Variants in RCOR1 observed in about 807,000 individuals in gnomAD.
RCOR1 encodes REST corepressor.
Under a neutral mutation model 64.0 loss-of-function variants are expected in RCOR1, and 12 were observed. The observed-to-expected ratio is 0.19, with a 90% CI of 0.12 to 0.30. The LOEUF is 0.30. Among genes scored for constraint, RCOR1 ranks in the 10% least tolerant of loss-of-function variants. The pLI, the probability that RCOR1 is intolerant of heterozygous loss-of-function variation, is 1.00. For synonymous variants in RCOR1, 279 were observed against 227.2 expected (o/e 1.23, Z -2.05); for missense variants, 502 against 621.2 (o/e 0.81, Z 2.04).
At chr14:102,701,937 G>A (rs551724027) in intron 4 of RCOR1, among the ~76,000 whole-genome samples, 3 of 152,284 alleles carry the variant, frequency 2.0e-5, no homozygotes, top group African/African-American at 7.2e-5. Context: ...AAAGTGTTGG[G>A]ATTACAGGCG....
chr14:102,705,228 C>T (rs531638537), intron 4 of RCOR1, among the ~76,000 whole-genome samples: 3 of 152,058 alleles, frequency 2.0e-5, no homozygotes, highest in Non-Finnish European at 4.4e-5. Context: ...TGTGGGTTTT[C>T]GAATCTCTCC....
At chr14:102,632,285 C>T (rs1410696310) in intron 2 of RCOR1, among the ~76,000 whole-genome samples, 4 of 149,408 alleles carry the variant, frequency 2.7e-5, no homozygotes, top group South Asian at 4.2e-4. Context: ...GGCATGATCT[C>T]GGCTCACTGC....
chr14:102,693,752 T>C (rs1028938777), intron 3 of RCOR1, among the ~76,000 whole-genome samples: 2 of 152,190 alleles, frequency 1.3e-5, no homozygotes, highest in South Asian at 2.1e-4. Context: ...TCCTCGAGGG[T>C]CCCCTTCTTT....
chr14:102,721,133 G>A (rs1896161427), intron 9 of RCOR1, 49 bp downstream of exon 9: 14 of 1,237,978 alleles, frequency 1.1e-5, no homozygotes, highest in Non-Finnish European at 1.6e-5. Context: ...AGTTTTACAT[G>A]TTTAAGAATT....
At chr14:102,641,086 T>C (rs1443937911) in intron 2 of RCOR1, among the ~76,000 whole-genome samples, 1 of 151,934 alleles carries the variant, frequency 6.6e-6, no homozygotes, top group Non-Finnish European at 1.5e-5. Context: ...ACCCCATCTC[T>C]ACTAAAAATA....
At chr14:102,697,618 C>T (rs958129958) in intron 3 of RCOR1, among the ~76,000 whole-genome samples, 7 of 151,944 alleles carry the variant, frequency 4.6e-5, no homozygotes, top group African/African-American at 9.7e-5. Context: ...CACAACCTTC[C>T]GAGCACCTAG....
In RCOR1 at chr14:102,657,162, C is replaced by T. The variant is rs927605320; in HGVS notation, c.362-24733C>T. On this transcript the variant is annotated intron_variant, in intron 2 of 11. Transcript: ENST00000262241. ...AAACCCAAAACACATAGGGTAGAAA[C>T]TCGTGAAAAATATTTTTGAGGATAT... 8 of 983,706 alleles carry T rather than the reference C, an allele frequency of 8.1e-6. No individual in the cohort carries two copies. The African/African-American group carries it at 1.4e-4, about 17-fold the overall frequency. The allele number at this position is 983,706 out of a possible 1,614,324, so 60.9% of individuals were successfully genotyped here. A position where few individuals can be genotyped will look rare whatever the true frequency, so the allele number is the denominator to read the frequency against.
At chr14:102,605,121 T>C (rs553678976) in intron 2 of RCOR1, among the ~76,000 whole-genome samples, 2 of 151,764 alleles carry the variant, frequency 1.3e-5, no homozygotes, top group African/African-American at 4.8e-5. Context: ...AGCAAGACTT[T>C]ATTGGATCCA....
chr14:102,647,584 G>T (rs1477613812), intron 2 of RCOR1, among the ~76,000 whole-genome samples: 1 of 152,228 alleles, frequency 6.6e-6, no homozygotes, highest in Non-Finnish European at 1.5e-5. Flanking sequence ...CTCCCAAAGT[G>T]CTGGGATTAC....
chr14:102,710,364 G>A (rs778783035), intron 6 of RCOR1, among the ~76,000 whole-genome samples: 1 of 152,224 alleles, frequency 6.6e-6, no homozygotes, highest in Admixed American at 6.5e-5. Flanking sequence ...ATTACAAAAA[G>A]CATTTAAAGT....
intron 3 of RCOR1, among the ~76,000 whole-genome samples, chr14:102,694,414 G>A (rs1895602658): frequency 6.6e-6 from 1 of 152,072 alleles, no homozygotes; most frequent in South Asian, 2.1e-4. Flanking sequence ...CCGCCACCAT[G>A]CCCGGCTAAT....
chr14:102,655,523 TTAA>T, intron 2 of RCOR1: 1 of 968,800 alleles, frequency 1.0e-6, no homozygotes, highest in South Asian at 4.8e-5. Flanking sequence ...TAGGTATCTA[TTAA>T]TAGTTCAGAA....
chr14:102,691,551 T>C (rs147061408), intron 3 of RCOR1, among the ~76,000 whole-genome samples: 1,604 of 152,354 alleles, frequency 0.011, 16 homozygotes, highest in Admixed American at 0.015. Flanking sequence ...GTTTTCAGCT[T>C]TTTAAAAATA....
intron 2 of RCOR1, among the ~76,000 whole-genome samples, chr14:102,601,403 A>G (rs1403696699): frequency 6.6e-6 from 1 of 152,200 alleles, no homozygotes; most frequent in Non-Finnish European, 1.5e-5. Flanking sequence ...CAGTTGGTTT[A>G]TATTATTTCT....
chr14:102,653,087 C>G lies in RCOR1; in HGVS notation c.362-28808C>G, dbSNP rs543538326. 2.6e-5 allele frequency among the ~76,000 whole-genome samples: 4 copies of G among 152,080 alleles called. No individual in the cohort carries two copies. The East Asian group carries it at 7.7e-4, about 29-fold the overall frequency. On this transcript the variant is annotated intron_variant, in intron 2 of 11. Coordinates refer to ENST00000262241, the MANE Select transcript of RCOR1 (RefSeq NM_015156.4). ...AGCTGGAACTAGAGGCGCGCGCCAG[C>G]CAATTTTTGTATTTTTAGTAGAGAC...
intron 2 of RCOR1, among the ~76,000 whole-genome samples, chr14:102,593,682 A>G (rs1893182074): frequency 6.6e-6 from 1 of 152,140 alleles, no homozygotes; most frequent in Non-Finnish European, 1.5e-5. Flanking sequence ...GCAGTGCCGG[A>G]GAGTTAGTGT....
intron 2 of RCOR1, among the ~76,000 whole-genome samples, chr14:102,667,016 T>C (rs2139945100): frequency 6.6e-6 from 1 of 152,210 alleles, no homozygotes; most frequent in African/African-American, 2.4e-5. Context: ...GGAAGGACTT[T>C]TAACGTGGAA....
In RCOR1 at chr14:102,730,452, T is replaced by G. The variant is rs995658748; in HGVS notation, c.*3946T>G. On this transcript the variant is annotated 3_prime_UTR_variant, in exon 12 of 12. Transcript: ENST00000262241. ...TGCTTAGCCATTGAATGATAACATT[T>G]GTTAGTGGAAATTGGAAAATTTATT... 1.3e-5 allele frequency: 2 copies of G among 155,444 alleles called. No homozygotes were observed. Among genetic ancestry groups the G allele is most frequent in the South Asian group, 4.1e-4 (2 of 4,844 alleles). The allele number at this position is 155,444 out of a possible 1,614,324, so 9.6% of individuals were successfully genotyped here. A position where few individuals can be genotyped will look rare whatever the true frequency, so the allele number is the denominator to read the frequency against.
intron 2 of RCOR1, chr14:102,630,188 T>A: frequency 6.3e-6 from 1 of 158,034 alleles, no homozygotes; most frequent in Non-Finnish European, 1.4e-5. Context: ...GGTGAGTGAG[T>A]TCTTACTCCT....
Sources: gnomAD v4.1 joint callset for allele counts (sites outside exome capture counted in the v4.1 genomes callset) on GRCh38, gnomAD v4.1.1 for gene constraint, MANE v1.5 for transcripts, NCBI Gene and HGNC (gene_info 2026-07-23, HGNC 2026-07-21) for gene names.